SH2D3C: variants seen among roughly 807,000 people sequenced by gnomAD.
The protein encoded by SH2D3C is SH2 domain containing 3C.
Under a neutral mutation model 75.2 loss-of-function variants are expected in SH2D3C, and 25 were observed. The ratio of observed to expected loss-of-function variants is 0.33; its 90% CI spans 0.24 to 0.46. The LOEUF (loss-of-function observed/expected upper bound fraction) is 0.46. SH2D3C is among the 20% of genes least tolerant of loss of function. The probability of loss-of-function intolerance (pLI) is 1.00; values close to 1 mark genes in which losing one functional copy is unlikely to be tolerated. For missense variants in SH2D3C, 933 were observed against 1,165.3 expected (o/e 0.80, Z 2.90); for synonymous variants, 450 against 473.7 (o/e 0.95, Z 0.65).
Position 127,762,030 on chromosome 9 carries a change from G to A in SH2D3C, c.516-380C>T, listed in dbSNP as rs145557423. ...CCCTGGTTTTCTTCTTCTTCTGTCT[G>A]CCTTCCCTACCCCCTCCTCCCACCC... On this transcript the variant is annotated intron_variant, in intron 2 of 11. Transcript: ENST00000314830. 1.6e-3 allele frequency: 490 copies of A among 299,574 alleles called. 5 individuals are homozygous for A. In the East Asian group the frequency reaches 0.039, roughly 24 times the overall value. The allele number at this position is 299,574 out of a possible 1,614,324, so 18.6% of individuals were successfully genotyped here. A position where few individuals can be genotyped will look rare whatever the true frequency, so the allele number is the denominator to read the frequency against.
At chr9:127,778,290 C>CAAA (rs112260508) in intron 1 of SH2D3C, among the ~76,000 whole-genome samples, 46 of 92,130 alleles carry the variant, frequency 5.0e-4, no homozygotes, top group African/African-American at 1.7e-3. Flanking sequence ...TGCACCTGGC[C>CAAA]AAAAAAAAAA....
intron 2 of SH2D3C, chr9:127,771,099 T>C: frequency 9.3e-7 from 1 of 1,076,964 alleles, no homozygotes; most frequent in Non-Finnish European, 1.3e-6. Flanking sequence ...GCCCCCAAAT[T>C]TGTCAGCTGC....
rs187554952 is a variant in SH2D3C, at chr9:127,758,190, T to C, written c.555+3421A>G. Among the ~76,000 whole-genome samples the C allele has an allele frequency of 6.4e-4, 98 of 152,066 alleles. 1 individual carries two copies. In the East Asian group the frequency reaches 0.017, roughly 26 times the overall value. On this transcript the variant is annotated intron_variant, in intron 3 of 11. Transcript: ENST00000314830. ...GATCTTGCTATGTTGCCCAGGCTGG[T>C]CTCAAACTCCTGGCCTTAAATGACC...
At chr9:127,755,995 CCTGT>C (rs1337768850) in intron 3 of SH2D3C, among the ~76,000 whole-genome samples, 4 of 152,216 alleles carry the variant, frequency 2.6e-5, no homozygotes, top group African/African-American at 9.6e-5. Context: ...TTTCAAGCTT[CCTGT>C]CTTAGAAACT....
Position 127,745,103 on chromosome 9 carries a change from C to A in SH2D3C, c.1265-4G>T. 1.3e-6 allele frequency: 2 copies of A among 1,496,990 alleles called. No individual in the cohort carries two copies. The highest frequency in any genetic ancestry group is 1.8e-6 in the Non-Finnish European group (2 of 1,126,470). 92.7% of individuals were successfully genotyped at this position (1,496,990 alleles called of 1,614,324 possible). A position where few individuals can be genotyped will look rare whatever the true frequency, so the allele number is the denominator to read the frequency against. On this transcript the variant is annotated splice_polypyrimidine_tract_variant and splice_region_variant and intron_variant, in intron 6 of 11. Coordinates refer to ENST00000314830, the MANE Select transcript of SH2D3C (RefSeq NM_170600.3). ...GGGGCGGCATGGACACGGGTTACTG[C>A]AGAAAGGTAGAGAGAGAGGCCCCGT...
chr9:127,756,217 G>A (rs1304493201), intron 3 of SH2D3C, among the ~76,000 whole-genome samples: 5 of 152,166 alleles, frequency 3.3e-5, no homozygotes, highest in Admixed American at 2.0e-4. Context: ...CATGAGAATC[G>A]CTTGAACCCA....
intron 3 of SH2D3C, among the ~76,000 whole-genome samples, chr9:127,757,764 C>T (rs1402974277): frequency 6.6e-6 from 1 of 151,856 alleles, no homozygotes; most frequent in Non-Finnish European, 1.5e-5. Flanking sequence ...AGCAATTCTC[C>T]TGCCTCATCC....
chr9:127,747,276 G>A lies in SH2D3C; in HGVS notation c.1140-5C>T. 1 of 1,611,130 alleles carries A rather than the reference G, an allele frequency of 6.2e-7. No homozygotes were observed. ...CGAGGGCGGGGCAGCGACGTACTGT[G>A]GAGCAGACACCATCATGGGCAGGGA... On this transcript the variant is annotated splice_region_variant and splice_polypyrimidine_tract_variant and intron_variant, in intron 5 of 11. Transcript: ENST00000314830.
chr9:127,769,173 A>T (rs1306013223), intron 2 of SH2D3C, among the ~76,000 whole-genome samples: 1 of 152,184 alleles, frequency 6.6e-6, no homozygotes, highest in Non-Finnish European at 1.5e-5. Flanking sequence ...ATCTCCCAGG[A>T]CCTAGAACAG....
chr9:127,755,018 G>T, intron 3 of SH2D3C: 2 of 829,004 alleles, frequency 2.4e-6, no homozygotes, highest in South Asian at 5.2e-5. Context: ...CTAGGGCCCC[G>T]GGCGGAGCGG....
chr9:127,761,543 C>A, intron 3 of SH2D3C, 68 bp downstream of exon 3: 2 of 1,158,884 alleles, frequency 1.7e-6, no homozygotes, highest in East Asian at 2.4e-5. Flanking sequence ...GGGCTCTGCC[C>A]ACCCGTAATG....
intron 9 of SH2D3C, among the ~76,000 whole-genome samples, chr9:127,741,414 T>G (rs944970146): frequency 2.0e-5 from 3 of 151,904 alleles, no homozygotes; most frequent in Non-Finnish European, 4.4e-5. Flanking sequence ...CTTTTTGTAC[T>G]TTTTAGTAGA....
intron 2 of SH2D3C, among the ~76,000 whole-genome samples, chr9:127,763,531 A>G (rs931321597): frequency 6.6e-6 from 1 of 152,178 alleles, no homozygotes. Context: ...TGAAAGAAAG[A>G]AATATTGCTT....
chr9:127,755,299 A>C, intron 3 of SH2D3C: 3 of 466,944 alleles, frequency 6.4e-6, no homozygotes, highest in East Asian at 1.6e-4. Context: ...TCGGGGGAGG[A>C]GCGGGGAGGC....
intron 2 of SH2D3C, among the ~76,000 whole-genome samples, chr9:127,764,898 G>A (rs1263943942): frequency 6.6e-6 from 1 of 152,090 alleles, no homozygotes; most frequent in Non-Finnish European, 1.5e-5. Context: ...TAGCAGAGAT[G>A]GGGTTTCGCC....
rs1844816692 is a variant in SH2D3C, at chr9:127,740,315, C to T, written c.2143G>A (p.Ala715Thr). Residue 715 changes from alanine (A) to threonine (T), a missense_variant, in exon 10 of 12, where the codon GCC (alanine) becomes ACC (threonine). Physicochemically the swap from Ala to Thr is moderately conservative, Grantham distance 58 (BLOSUM62 0). Transcript: ENST00000314830. ...VTLRQRHTEG[A>T]ILYEKKLKPF... The stretch of plus-strand genomic sequence containing the variant: ...TTGAGCTTCTTCTCGTACAGGATGG[C>T]ACCCTCTGTGTGTCGCTGCCGCAGG... 2 of 1,614,038 alleles carry T rather than the reference C, an allele frequency of 1.2e-6. No individual in the cohort carries two copies. Among genetic ancestry groups the T allele is most frequent in the African/African-American group, 1.3e-5 (1 of 74,942 alleles).
chr9:127,774,201 G>T lies in SH2D3C; in HGVS notation c.304C>A (p.Pro102Thr). The T allele has an allele frequency of 3.1e-6, 5 of 1,613,882 alleles. No individual in the cohort carries two copies. The highest frequency in any genetic ancestry group is 4.2e-6 in the Non-Finnish European group (5 of 1,179,918). Residue 102 changes from proline to threonine, a missense_variant, in exon 2 of 12, where the codon CCC (proline) becomes ACC (threonine). Physicochemically the swap from Pro to Thr is conservative, Grantham distance 38. Transcript: ENST00000314830. This position sits in a 1 kb window ranked among gnomAD's most constrained non-coding sequence, Gnocchi z 4.3. ...QAARQAQEAG[P>T]KPNLVPGGVP... Reference sequence around the variant, plus strand: ...CCTCCGGGTACCAAGTTGGGCTTGGGACCCGCCTCCTGGGCCTGCCGGGCA... The same window carrying T: ...CCTCCGGGTACCAAGTTGGGCTTGGTACCCGCCTCCTGGGCCTGCCGGGCA...
rs149328892 is a variant in SH2D3C at position 127,751,584 on chromosome 9, G to A, written c.556-284C>T. 1.6e-3 allele frequency among the ~76,000 whole-genome samples: 249 copies of A among 152,378 alleles called. No homozygotes were observed. In the South Asian group the frequency reaches 0.018, roughly 11 times the overall value. ...CTCAAGGCAGTGCCTAGTCTGAGGA[G>A]AGGCAAAAGCAACAGGAGCCTCTGA... is the stretch of plus-strand genomic sequence containing the variant. On this transcript the variant is annotated intron_variant, in intron 3 of 11. Coordinates refer to ENST00000314830, the MANE Select transcript of SH2D3C (RefSeq NM_170600.3). The surrounding 1 kb of genome is among the most constrained non-coding windows in gnomAD (Gnocchi z 4.1).
chr9:127,762,148 A>G lies in SH2D3C; in HGVS notation c.516-498T>C, dbSNP rs1004829481. Reference sequence around the variant, plus strand: ...TGCACTCACTTCCTAGGGTAGAGTGACCCAGTCACGGCCACTGCCCAGCTG... The same window carrying G: ...TGCACTCACTTCCTAGGGTAGAGTGGCCCAGTCACGGCCACTGCCCAGCTG... On this transcript the variant is annotated intron_variant, in intron 2 of 11. Transcript: ENST00000314830. 1.2e-5 allele frequency: 14 copies of G among 1,158,932 alleles called. No individual in the cohort carries two copies. In the African/African-American group the frequency reaches 2.1e-4, roughly 18 times the overall value. The allele number at this position is 1,158,932 out of a possible 1,614,324, so 71.8% of individuals were successfully genotyped here.
Sources: gnomAD v4.1 joint callset for allele counts (sites outside exome capture counted in the v4.1 genomes callset) on GRCh38, gnomAD v4.1.1 for gene constraint, Gnocchi (gnomAD v3.1) non-coding constraint, MANE v1.5 for transcripts, NCBI Gene and HGNC (gene_info 2026-07-23, HGNC 2026-07-21) for gene names.